MOCOS: variants seen among roughly 807,000 people sequenced by gnomAD.
MOCOS encodes molybdenum cofactor sulfurase.
MOCOS carries 86 observed loss-of-function variants against 83.6 expected under a neutral mutation model. The observed-to-expected ratio is 1.03, with a 90% CI of 0.86 to 1.23. The LOEUF (loss-of-function observed/expected upper bound fraction) is 1.23, where lower values mean the gene tolerates loss of function less well. Ranked by LOEUF, MOCOS falls within the 50% of genes most tolerant of loss-of-function variation. MOCOS has a pLI of 0.00. For missense variants in MOCOS, 1,120 were observed against 1,126.9 expected (o/e 0.99, Z 0.09); for synonymous variants, 445 against 434.7 (o/e 1.02, Z -0.29).
chr18:36,205,025 TGAGAA>T, intron 5 of MOCOS, 47 bp from the exon 6 acceptor site: 1 of 1,127,436 alleles, frequency 8.9e-7, no homozygotes, highest in Non-Finnish European at 1.3e-6. Context: ...AAGAGTGAAT[TGAGAA>T]TTTACATAAA....
At chr18:36,213,864 G>A (rs1259480084) in intron 7 of MOCOS, among the ~76,000 whole-genome samples, 1 of 151,980 alleles carries the variant, frequency 6.6e-6, no homozygotes, top group East Asian at 1.9e-4. Context: ...AGGAGGCAGA[G>A]GTTGCAGTGA....
chr18:36,195,427 G>C, intron 2 of MOCOS, 81 bp downstream of exon 2: 4 of 1,278,986 alleles, frequency 3.1e-6, no homozygotes, highest in Non-Finnish European at 4.5e-6. Flanking sequence ...TGGATTAATA[G>C]GCCAGGAATA....
intron 9 of MOCOS, among the ~76,000 whole-genome samples, chr18:36,241,664 A>G (rs1040053356): frequency 3.9e-5 from 6 of 152,196 alleles, no homozygotes; most frequent in African/African-American, 1.4e-4. Flanking sequence ...CACATTACCC[A>G]TCTGTGCTGC....
chr18:36,222,962 G>A (rs1048889233), intron 9 of MOCOS, among the ~76,000 whole-genome samples: 1 of 152,132 alleles, frequency 6.6e-6, no homozygotes, highest in Admixed American at 6.6e-5. Context: ...CTGAGTTGTA[G>A]GAGTTCCTTA....
At chr18:36,224,599 T>C (rs1475622681) in intron 9 of MOCOS, among the ~76,000 whole-genome samples, 2 of 152,236 alleles carry the variant, frequency 1.3e-5, no homozygotes, top group Non-Finnish European at 2.9e-5. Flanking sequence ...TTGATTTTCA[T>C]ATGTTGAATC....
intron 9 of MOCOS, among the ~76,000 whole-genome samples, chr18:36,241,748 T>A (rs1348972590): frequency 6.6e-6 from 1 of 152,222 alleles, no homozygotes; most frequent in Non-Finnish European, 1.5e-5. Context: ...TTTTCTTACA[T>A]CCTCTGAAAT....
rs2091405849 is a variant in MOCOS at position 36,200,017 on chromosome 18, C to A, written c.634C>A (p.Pro212Thr). 1.9e-6 allele frequency: 3 copies of A among 1,614,172 alleles called. No homozygotes were observed. The East Asian group carries it at 6.7e-5, about 36-fold the overall frequency. ...AQSNFSGVRY[P>T]LSWIEEVKSG... ...GAGTAACTTTTCTGGAGTCAGATACCCCCTGTCCTGGATAGAAGAGGTCAA... is the reference window on the plus strand; with the variant it reads ...GAGTAACTTTTCTGGAGTCAGATACACCCTGTCCTGGATAGAAGAGGTCAA... The change falls in exon 4 of 15, where the codon CCC (proline) becomes ACC (threonine). Residue 212 changes from proline to threonine, a missense_variant. Pro to Thr is a conservative substitution (Grantham distance 38). Transcript: ENST00000261326.
At chr18:36,262,250 T>TCTACACACACACACACACACAC (rs368893410) in intron 13 of MOCOS, among the ~76,000 whole-genome samples, 23 of 127,906 alleles carry the variant, frequency 1.8e-4, no homozygotes, top group East Asian at 1.3e-3. Context: ...CGTCTCTCTC[T>TCTACACACACACACACACACAC]ACACACACAC....
chr18:36,242,615 G>A (rs2091588055), intron 9 of MOCOS, among the ~76,000 whole-genome samples: 1 of 152,180 alleles, frequency 6.6e-6, no homozygotes, highest in Non-Finnish European at 1.5e-5. Context: ...AATTTATAAA[G>A]GAAGCAGTTT....
chr18:36,248,909 CT>C lies in MOCOS; in HGVS notation c.1961-10del, dbSNP rs1568065760. 1.2e-6 allele frequency: 2 copies of C among 1,610,586 alleles called. No individual in the cohort carries two copies. Among genetic ancestry groups the C allele is most frequent in the Non-Finnish European group, 1.7e-6 (2 of 1,177,054 alleles). ...ACATAATGATAAATTTGTTTTTAACCTTTGTTCATTAGGGATGGAGCCTATA... is the reference window on the plus strand; with the variant it reads ...ACATAATGATAAATTTGTTTTTAACCTTGTTCATTAGGGATGGAGCCTATA... On this transcript the variant is annotated splice_polypyrimidine_tract_variant and intron_variant, in intron 9 of 14. Coordinates refer to ENST00000261326, the MANE Select transcript of MOCOS (RefSeq NM_017947.4).
chr18:36,207,300 G>T (rs913454156), intron 6 of MOCOS, among the ~76,000 whole-genome samples: 2 of 152,174 alleles, frequency 1.3e-5, no homozygotes, highest in African/African-American at 2.4e-5. Context: ...GCCTCCCAAA[G>T]TGCTGGGATT....
chr18:36,219,985 C>A (rs1291844324), intron 8 of MOCOS, 70 bp from the exon 9 acceptor site: 9 of 1,578,510 alleles, frequency 5.7e-6, no homozygotes, highest in South Asian at 3.3e-5. Flanking sequence ...GTTTGTGTAG[C>A]CACTGTACAA....
chr18:36,212,673 T>C (rs144225599), intron 6 of MOCOS, among the ~76,000 whole-genome samples: 4 of 152,238 alleles, frequency 2.6e-5, no homozygotes, highest in African/African-American at 9.6e-5. Flanking sequence ...GTGGGAGGCA[T>C]CGTTGCCCAG....
chr18:36,251,382 A>T, intron 11 of MOCOS, 99 bp downstream of exon 11: 1 of 1,488,450 alleles, frequency 6.7e-7, no homozygotes, highest in Non-Finnish European at 9.3e-7. Context: ...TGACTTGCTG[A>T]TGTATGGAAA....
chr18:36,265,923 A>T (rs1568071584), intron 13 of MOCOS, among the ~76,000 whole-genome samples: 2 of 152,180 alleles, frequency 1.3e-5, no homozygotes, highest in Non-Finnish European at 1.5e-5. Flanking sequence ...AGCATGGTTT[A>T]CTTAACCATT....
In MOCOS at chr18:36,213,449, C is replaced by T. The variant is rs372425144; in HGVS notation, c.1302C>T (p.Gly434=). 6.2e-6 allele frequency: 10 copies of T among 1,613,894 alleles called. No individual in the cohort carries two copies. The highest frequency in any genetic ancestry group is 7.6e-6 in the Non-Finnish European group (9 of 1,180,022). The change falls in exon 7 of 15, where the codon GGC becomes GGT. Residue 434 remains glycine (G), a synonymous_variant. Transcript: ENST00000261326. ...CTGGGGCCTGCCAGAGGCACCTGGG[C>T]ATAAGCAACGAGATGGTCAGGAAGC... is the stretch of plus-strand genomic sequence containing the variant. ...CNTGACQRHL[G]ISNEMVRKHF...
At chr18:36,204,963 A>G (rs1319151193) in intron 5 of MOCOS, 114 bp from the exon 6 acceptor site, 1 of 950,734 alleles carries the variant, frequency 1.1e-6, no homozygotes, top group Non-Finnish European at 1.5e-6. Context: ...ACTGCACTCC[A>G]GCCTGGGTGA....
intron 7 of MOCOS, among the ~76,000 whole-genome samples, chr18:36,213,726 C>G (rs952848676): frequency 1.3e-5 from 2 of 151,594 alleles, no homozygotes; most frequent in East Asian, 1.9e-4. Flanking sequence ...GTCAGGAGTT[C>G]GAGACAAGCC....
Position 36,200,227 on chromosome 18 carries a change from GCTC to G in MOCOS, c.848_850del (p.Pro283del), listed in dbSNP as rs769675545. 1.5e-5 allele frequency: 25 copies of G among 1,614,064 alleles called. No individual in the cohort carries two copies. Among genetic ancestry groups the G allele is most frequent in the Non-Finnish European group, 1.9e-5 (23 of 1,180,038 alleles). ...CGCTCTGCTGGTCCATAATCGTGCGGCTCCTCTACTGAGGAAGACCTACTTTGG... is the reference window on the plus strand; with the variant it reads ...CGCTCTGCTGGTCCATAATCGTGCGGCTCTACTGAGGAAGACCTACTTTGG... On this transcript the variant is annotated inframe_deletion, in exon 4 of 15. Transcript: ENST00000261326.
Sources: allele counts gnomAD v4.1 joint callset (sites outside exome capture counted in the v4.1 genomes callset), GRCh38; gene constraint gnomAD v4.1.1; transcripts MANE v1.5; gene names NCBI Gene and HGNC (gene_info 2026-07-23, HGNC 2026-07-21).